Variants in UNC13C observed in about 807,000 individuals in gnomAD.
The protein encoded by UNC13C is protein unc-13 homolog C.
In UNC13C, 174 loss-of-function variants were observed where a neutral mutation model predicts 245.4. The ratio of observed to expected loss-of-function variants is 0.71; its 90% CI spans 0.63 to 0.80. UNC13C has a LOEUF of 0.80. Among genes scored for constraint, UNC13C ranks in the 30% least tolerant of loss-of-function variants. The pLI is 0.00. For synonymous variants in UNC13C, 992 were observed against 895.1 expected (o/e 1.11, Z -1.93); for missense variants, 2,829 against 2,602.9 (o/e 1.09, Z -1.89).
chr15:53,957,761 G>A, the UNC13C span, among the ~76,000 whole-genome samples: 1 of 152,098 alleles, frequency 6.6e-6, no homozygotes, highest in East Asian at 1.9e-4. Context: ...TATTTTAAAC[G>A]TAGTTTAAGT....
chr15:54,333,919 A>C, intron 16 of UNC13C, 63 bp downstream of exon 16: 1 of 1,273,948 alleles, frequency 7.8e-7, no homozygotes, highest in Non-Finnish European at 1.1e-6. Context: ...CCCCTGGTAA[A>C]GTCTTGCTTT....
intron 8 of UNC13C, among the ~76,000 whole-genome samples, chr15:54,254,875 C>G (rs951744669): frequency 6.6e-5 from 10 of 152,140 alleles, no homozygotes; most frequent in African/African-American, 2.4e-4. Context: ...TTGAGACATT[C>G]TATGCTGCCT....
chr15:54,219,834 C>G (rs2035166138), intron 4 of UNC13C, among the ~76,000 whole-genome samples: 1 of 151,564 alleles, frequency 6.6e-6, no homozygotes, highest in Non-Finnish European at 1.5e-5. Context: ...AGCCAAAAGA[C>G]ACATGAAAAA....
chr15:54,529,584 T>C (rs970683915), intron 25 of UNC13C, among the ~76,000 whole-genome samples: 1 of 152,192 alleles, frequency 6.6e-6, no homozygotes. Flanking sequence ...ATGTGGAGAA[T>C]GTATGCATGA....
intron 19 of UNC13C, among the ~76,000 whole-genome samples, chr15:54,482,466 C>T (rs770801391): frequency 9.2e-5 from 14 of 152,074 alleles, no homozygotes; most frequent in South Asian, 4.1e-4. Flanking sequence ...TAGGAGCGGG[C>T]GGTGGGAATT....
intron 19 of UNC13C, among the ~76,000 whole-genome samples, chr15:54,477,973 G>T (rs1284623281): frequency 6.7e-6 from 1 of 148,422 alleles, no homozygotes; most frequent in African/African-American, 2.5e-5. Flanking sequence ...GTTGATTATT[G>T]CCACAATTTC....
Position 54,177,828 on chromosome 15 carries a change from G to A in UNC13C, c.3071+34144G>A, listed in dbSNP as rs75997898. Among the ~76,000 whole-genome samples, 1,149 of 151,930 alleles carry A rather than the reference G, an allele frequency of 7.6e-3. 10 individuals are homozygous for A. Among genetic ancestry groups the A allele is most frequent in the African/African-American group, 0.016 (646 of 41,442 alleles). ...AAAATAGAACAGCCATGTTATTTCC[G>A]TCCCAATAACATGATTTTCTATAAC... On this transcript the variant is annotated intron_variant, in intron 4 of 32. Transcript: ENST00000260323.
the UNC13C span, among the ~76,000 whole-genome samples, chr15:53,899,975 C>T: frequency 3.3e-5 from 5 of 152,140 alleles, no homozygotes; most frequent in African/African-American, 9.7e-5. Flanking sequence ...GAAAGCTCTT[C>T]GTTTTCTGCC....
the UNC13C span, among the ~76,000 whole-genome samples, chr15:53,892,650 C>T: frequency 6.6e-6 from 1 of 152,008 alleles, no homozygotes; most frequent in African/African-American, 2.4e-5. Context: ...ATCCTTTCTT[C>T]CGCTTGATTG....
At position 54,049,920 on chromosome 15, in the gene UNC13C, T is replaced by G; in HGVS notation, c.2983+34034T>G. ...GATTATTGACTGAGTTCCAATCTAT[T>G]TTTAAAATGATGCCATCATAAGCCT... On this transcript the variant is annotated intron_variant, in intron 2 of 32. Transcript: ENST00000260323. The G allele has an allele frequency of 1.8e-5, 4 of 221,906 alleles. No homozygotes were observed. In the South Asian group the frequency reaches 2.7e-4, roughly 15 times the overall value. The allele number at this position is 221,906 out of a possible 1,614,324, so 13.7% of individuals were successfully genotyped here.
upstream of UNC13C, among the ~76,000 whole-genome samples, chr15:53,973,319 G>A (rs1366662787): frequency 6.6e-6 from 1 of 152,058 alleles, no homozygotes; most frequent in Non-Finnish European, 1.5e-5. Flanking sequence ...AATATTTATT[G>A]AGTACCTACT....
At chr15:54,217,475 G>C (rs928617992) in intron 4 of UNC13C, among the ~76,000 whole-genome samples, 3 of 151,934 alleles carry the variant, frequency 2.0e-5, no homozygotes, top group Non-Finnish European at 4.4e-5. Flanking sequence ...TCTCTATGCA[G>C]ATAGGTACCT....
chr15:54,182,445 G>T (rs145911433), intron 4 of UNC13C, among the ~76,000 whole-genome samples: 1 of 151,750 alleles, frequency 6.6e-6, no homozygotes. Context: ...TTAGTATTTT[G>T]TTGAGGGATA....
At chr15:54,633,379 G>A (rs1333762655), downstream of UNC13C, 1 of 152,086 alleles carries the variant, frequency 6.6e-6, no homozygotes, top group Non-Finnish European at 1.5e-5. Flanking sequence ...GTGTACAAGA[G>A]TATAAATGTT....
At chr15:54,083,624 C>A (rs1595827931) in intron 2 of UNC13C, among the ~76,000 whole-genome samples, 3 of 152,200 alleles carry the variant, frequency 2.0e-5, no homozygotes, top group African/African-American at 2.4e-5. Flanking sequence ...GGGTGCTGCC[C>A]CTTCCAGAGA....
At chr15:54,511,307 C>T (rs1404347604) in intron 23 of UNC13C, among the ~76,000 whole-genome samples, 2 of 152,074 alleles carry the variant, frequency 1.3e-5, no homozygotes, top group Admixed American at 1.3e-4. Context: ...TGGTCTTTAC[C>T]TGCAGCCAGA....
At chr15:54,523,178 T>C (rs1413616259) in intron 24 of UNC13C, among the ~76,000 whole-genome samples, 1 of 152,164 alleles carries the variant, frequency 6.6e-6, no homozygotes, top group South Asian at 2.1e-4. Flanking sequence ...CATAGAGTAA[T>C]GCAGAAGAAC....
intron 10 of UNC13C, among the ~76,000 whole-genome samples, chr15:54,266,044 CT>C (rs977336448): frequency 5.3e-5 from 8 of 151,756 alleles, no homozygotes; most frequent in East Asian, 1.9e-4. Context: ...CTCAAAAGTT[CT>C]TTTTTTTAAC....
At chr15:54,025,948 T>C (rs1433313228) in intron 2 of UNC13C, among the ~76,000 whole-genome samples, 1 of 152,200 alleles carries the variant, frequency 6.6e-6, no homozygotes, top group East Asian at 1.9e-4. Flanking sequence ...CCCTGCCCTT[T>C]TAATGCCTTT....
Sources: allele counts gnomAD v4.1 joint callset (sites outside exome capture counted in the v4.1 genomes callset), GRCh38; gene constraint gnomAD v4.1.1; transcripts MANE v1.5; gene names NCBI Gene and HGNC (gene_info 2026-07-23, HGNC 2026-07-21).